The following CABLES1 variants were observed in gnomAD, a reference collection of about 807,000 sequenced individuals.
CABLES1 encodes the protein Cdk5 and Abl enzyme substrate 1.
CABLES1 carries 36 observed loss-of-function variants against 57.8 expected under a neutral mutation model. The ratio of observed to expected loss-of-function variants is 0.62; its 90% confidence interval spans 0.48 to 0.82. The LOEUF (loss-of-function observed/expected upper bound fraction) is 0.82. Ranked by LOEUF, CABLES1 falls within the 40% of genes least tolerant of loss-of-function variation. The probability of loss-of-function intolerance (pLI) is 0.00; values close to 1 mark genes in which losing one functional copy is unlikely to be tolerated. For synonymous variants in CABLES1, 374 were observed against 363.0 expected (o/e 1.03, Z -0.35); for missense variants, 767 against 836.6 (o/e 0.92, Z 1.03).
intron 3 of CABLES1, among the ~76,000 whole-genome samples, chr18:23,202,954 T>A (rs2047336421): frequency 7.1e-6 from 1 of 141,102 alleles, no homozygotes; most frequent in Non-Finnish European, 1.5e-5. Context: ...ACCTCTGCAC[T>A]CCAGCCTGGG....
intron 4 of CABLES1, among the ~76,000 whole-genome samples, chr18:23,227,436 C>T (rs2047536001): frequency 6.6e-6 from 1 of 152,176 alleles, no homozygotes; most frequent in Non-Finnish European, 1.5e-5. Flanking sequence ...TCATAAGCTA[C>T]GTTAAGACCC....
At chr18:23,238,870 G>A (rs2047668550) in intron 7 of CABLES1, among the ~76,000 whole-genome samples, 2 of 152,170 alleles carry the variant, frequency 1.3e-5, no homozygotes, top group African/African-American at 4.8e-5. Context: ...TCAGCAGTCA[G>A]CCCCACAACT....
chr18:23,235,961 T>G lies in CABLES1; in HGVS notation c.1252T>G (p.Ser418Ala). ...AFGARRNTID[S>A]TSSFSQFRNL... ...TGGAGCCCGGAGAAATACCATAGAC[T>G]CCACCTCCTCTTTCTCCCAGTTCCG... is the stretch of plus-strand genomic sequence containing the variant. The change falls in exon 6 of 10, where the codon TCC becomes GCC. Residue 418 changes from serine to alanine, a missense_variant. By Grantham distance (99) the Ser-to-Ala change is moderately conservative. This residue lies in a region of CABLES1 where 529 missense variants were observed against 622.8 expected (regional missense o/e 0.85). Transcript: ENST00000256925. 1 of 1,614,158 alleles carries G rather than the reference T, an allele frequency of 6.2e-7. No homozygotes were observed. Among genetic ancestry groups the G allele is most frequent in the Non-Finnish European group, 8.5e-7 (1 of 1,180,016 alleles).
chr18:23,169,123 C>T (rs764493086), intron 1 of CABLES1, among the ~76,000 whole-genome samples: 10 of 152,172 alleles, frequency 6.6e-5, no homozygotes, highest in Admixed American at 6.5e-4. Context: ...ACACTCCCAC[C>T]AGCGCCATGA....
At chr18:23,150,325 C>T (rs1246450925) in intron 1 of CABLES1, among the ~76,000 whole-genome samples, 1 of 151,552 alleles carries the variant, frequency 6.6e-6, no homozygotes, top group Admixed American at 6.6e-5. Flanking sequence ...TCTCCTGCCT[C>T]AGCCTCCCGA....
At chr18:23,187,710 T>C (rs1249350653) in intron 1 of CABLES1, among the ~76,000 whole-genome samples, 1 of 152,028 alleles carries the variant, frequency 6.6e-6, no homozygotes. Flanking sequence ...TTTTAAAGGA[T>C]TTGAGCATCA....
chr18:23,202,404 A>G (rs1400861269), intron 3 of CABLES1, among the ~76,000 whole-genome samples: 1 of 152,232 alleles, frequency 6.6e-6, no homozygotes, highest in Non-Finnish European at 1.5e-5. Context: ...GCCCAGTGCC[A>G]CAGCATCTGG....
At chr18:23,243,473 T>TTTG (rs2047790364) in intron 7 of CABLES1, among the ~76,000 whole-genome samples, 1 of 150,220 alleles carries the variant, frequency 6.7e-6, no homozygotes, top group African/African-American at 2.4e-5. Context: ...TTGGTGTTTT[T>TTTG]TTTTTTTTTT....
chr18:23,171,499 T>G (rs1284023069), intron 1 of CABLES1, among the ~76,000 whole-genome samples: 5 of 152,264 alleles, frequency 3.3e-5, no homozygotes, highest in Admixed American at 6.5e-5. Flanking sequence ...TGCTTATCCT[T>G]AGCCATGCCT....
chr18:23,154,607 G>T (rs1281805058), intron 1 of CABLES1, among the ~76,000 whole-genome samples: 1 of 152,132 alleles, frequency 6.6e-6, no homozygotes, highest in Non-Finnish European at 1.5e-5. Context: ...TATCTAATGG[G>T]ACTCTTGTAT....
At chr18:23,188,050 C>T (rs1252155408) in intron 1 of CABLES1, among the ~76,000 whole-genome samples, 1 of 152,204 alleles carries the variant, frequency 6.6e-6, no homozygotes, top group South Asian at 2.1e-4. Flanking sequence ...TCCGCCAAAT[C>T]ATTTACTATC....
At chr18:23,165,837 GT>G (rs2047038641) in intron 1 of CABLES1, among the ~76,000 whole-genome samples, 1 of 152,120 alleles carries the variant, frequency 6.6e-6, no homozygotes, top group Non-Finnish European at 1.5e-5. Flanking sequence ...GCTAAAACTC[GT>G]CCTCTCCTCC....
chr18:23,252,985 C>T lies in CABLES1; in HGVS notation c.1472C>T (p.Pro491Leu), dbSNP rs367686833. ...YMTTVIDYVK[P>L]SDLKKDMNET... is the part of the protein sequence containing the mutation. ...ACAACAGTGATTGACTACGTGAAGC[C>T]CTCGGATCTCAAGAAGGACATGAAC... Residue 491 changes from proline (P) to leucine (L), a missense_variant, in exon 8 of 10, where the codon CCC (proline) becomes CTC (leucine). Coordinates refer to ENST00000256925, the MANE Select transcript of CABLES1 (RefSeq NM_001100619.3). The T allele has an allele frequency of 6.2e-7, 1 of 1,613,126 alleles. No homozygotes were observed. Among genetic ancestry groups the T allele is most frequent in the Non-Finnish European group, 8.5e-7 (1 of 1,179,198 alleles).
rs756693048 is a variant in CABLES1 at position 23,136,523 on chromosome 18, G to A, written c.761G>A (p.Arg254Lys). 2 of 1,589,652 alleles carry A rather than the reference G, an allele frequency of 1.3e-6. No individual in the cohort carries two copies. The highest frequency in any genetic ancestry group is 8.5e-7 in the Non-Finnish European group (1 of 1,174,652). The part of the protein sequence containing the change: ...TQGILPIAFS[R>K]PTSQNYCSLE... ...GGAATCCTGCCCATCGCCTTCTCCAGGCCGACTTCGCAGAACTACTGCTCC... is the reference window on the plus strand; with the variant it reads ...GGAATCCTGCCCATCGCCTTCTCCAAGCCGACTTCGCAGAACTACTGCTCC... The change falls in exon 1 of 10, where the codon AGG (arginine) becomes AAG (lysine). Residue 254 changes from arginine (R) to lysine (K), a missense_variant. This residue lies in a region of CABLES1 where 529 missense variants were observed against 622.8 expected (regional missense o/e 0.85). Transcript: ENST00000256925.
intron 1 of CABLES1, among the ~76,000 whole-genome samples, chr18:23,154,251 C>T (rs977285373): frequency 2.6e-5 from 4 of 152,106 alleles, no homozygotes; most frequent in Admixed American, 1.3e-4. Context: ...AATCATGTGC[C>T]GCGGTAACTA....
rs2048100793 is a variant in CABLES1 at position 23,253,882 on chromosome 18, A to G, written c.1707A>G (p.Leu569=). 6.2e-7 allele frequency: 1 copy of G among 1,614,136 alleles called. No individual in the cohort carries two copies. Among genetic ancestry groups the G allele is most frequent in the African/African-American group, 1.3e-5 (1 of 74,948 alleles). ...TGTGTGCTGGGGCATGTGTGCTGTTAGCAGCCAAAATTGGAAGTGACCTCA... is the reference window on the plus strand; with the variant it reads ...TGTGTGCTGGGGCATGTGTGCTGTTGGCAGCCAAAATTGGAAGTGACCTCA... ...RKLCAGACVL[L]AAKIGSDLKK... is the part of the protein sequence containing the mutation. Residue 569 remains leucine, a synonymous_variant, in exon 9 of 10, where the codon TTA becomes TTG. Coordinates refer to ENST00000256925, the MANE Select transcript of CABLES1 (RefSeq NM_001100619.3).
At chr18:23,235,806 A>T in intron 5 of CABLES1, 89 bp from the exon 6 acceptor site, 1 of 1,262,954 alleles carries the variant, frequency 7.9e-7, no homozygotes, top group South Asian at 1.4e-5. Flanking sequence ...GTGGACCTGA[A>T]TGTGGGGTGA....
intron 3 of CABLES1, among the ~76,000 whole-genome samples, chr18:23,204,906 A>G (rs1221861564): frequency 6.6e-6 from 1 of 152,178 alleles, no homozygotes; most frequent in Non-Finnish European, 1.5e-5. Context: ...CTCCCACAAC[A>G]TGTGGGAATT....
chr18:23,222,615 A>G (rs1431054031), intron 4 of CABLES1, among the ~76,000 whole-genome samples: 6 of 150,122 alleles, frequency 4.0e-5, no homozygotes, highest in Admixed American at 6.7e-5. Context: ...AGATATATAC[A>G]CAGATATAGA....
Sources: allele counts gnomAD v4.1 joint callset (sites outside exome capture counted in the v4.1 genomes callset), GRCh38; gene constraint gnomAD v4.1.1; regional missense constraint gnomAD v4.1.1; transcripts MANE v1.5; gene names NCBI Gene and HGNC (gene_info 2026-07-23, HGNC 2026-07-21).